The following SCFD2 variants were observed in gnomAD, a reference collection of about 807,000 sequenced individuals.
The protein encoded by SCFD2 is sec1 family domain-containing protein 2.
A neutral mutation model predicts 58.9 loss-of-function variants in SCFD2; 54 were observed. That is an observed-to-expected ratio of 0.92 (90% confidence interval 0.74 to 1.15). The LOEUF (loss-of-function observed/expected upper bound fraction) is 1.15, where lower values mean the gene tolerates loss of function less well. Ranked by LOEUF, SCFD2 falls within the 50% of genes most tolerant of loss-of-function variation. The pLI, the probability that SCFD2 is intolerant of heterozygous loss-of-function variation, is 0.00. For missense variants in SCFD2, 805 were observed against 836.6 expected, an observed-to-expected ratio of 0.96 and a Z score of 0.47; for synonymous variants, 321 against 335.9, an observed-to-expected ratio of 0.96 and a Z score of 0.49.
At chr4:53,276,512 T>G (rs758202002) in intron 3 of SCFD2, among the ~76,000 whole-genome samples, 1 of 152,138 alleles carries the variant, frequency 6.6e-6, no homozygotes, top group Non-Finnish European at 1.5e-5. Context: ...GTTTGTTATA[T>G]AGGTAAACTC....
chr4:53,227,458 T>C (rs1729255332), intron 4 of SCFD2, among the ~76,000 whole-genome samples: 2 of 152,194 alleles, frequency 1.3e-5, no homozygotes. Context: ...CTTGTAAAGA[T>C]GACGCTAAAG....
chr4:53,052,552 C>T (rs912901837), intron 5 of SCFD2, among the ~76,000 whole-genome samples: 1 of 152,088 alleles, frequency 6.6e-6, no homozygotes, highest in African/African-American at 2.4e-5. Context: ...ATTGATCTTC[C>T]CTTGAGATGT....
chr4:53,254,620 T>C (rs1334889131), intron 4 of SCFD2, among the ~76,000 whole-genome samples: 1 of 151,560 alleles, frequency 6.6e-6, no homozygotes, highest in Non-Finnish European at 1.5e-5. Context: ...ATTACAGGCT[T>C]GAGCCACTGC....
intron 5 of SCFD2, among the ~76,000 whole-genome samples, chr4:52,952,317 C>A (rs1294324590): frequency 1.4e-5 from 2 of 146,184 alleles, no homozygotes; most frequent in Non-Finnish European, 3.0e-5. Context: ...AATGGTCCCA[C>A]GTGAGGCCCA....
chr4:52,890,559 G>A (rs570268881), intron 7 of SCFD2, among the ~76,000 whole-genome samples: 26 of 152,320 alleles, frequency 1.7e-4, no homozygotes, highest in African/African-American at 6.0e-4. Context: ...CTGTTTGCAT[G>A]TTTGCATGTT....
chr4:53,168,963 T>C (rs1727094636), intron 4 of SCFD2, among the ~76,000 whole-genome samples: 2 of 152,372 alleles, frequency 1.3e-5, no homozygotes, highest in South Asian at 4.1e-4. Context: ...TCAGTTATTT[T>C]AGATTCCACA....
intron 4 of SCFD2, among the ~76,000 whole-genome samples, chr4:53,232,493 C>A (rs1729470289): frequency 6.6e-6 from 1 of 152,088 alleles, no homozygotes; most frequent in Non-Finnish European, 1.5e-5. Flanking sequence ...AGGAAAGATG[C>A]CTGTTAAAAA....
intron 8 of SCFD2, among the ~76,000 whole-genome samples, chr4:52,883,237 G>A (rs960183087): frequency 6.6e-5 from 10 of 152,186 alleles, no homozygotes; most frequent in African/African-American, 2.4e-4. Flanking sequence ...TTTGCTGTAG[G>A]GCCAGGGCAG....
intron 4 of SCFD2, among the ~76,000 whole-genome samples, chr4:53,234,008 C>T (rs1284465000): frequency 6.6e-6 from 1 of 152,088 alleles, no homozygotes; most frequent in Non-Finnish European, 1.5e-5. Flanking sequence ...CAATTAAATG[C>T]AGAATCTAGG....
chr4:52,945,346 G>A (rs1344309106), intron 5 of SCFD2, among the ~76,000 whole-genome samples: 11 of 152,076 alleles, frequency 7.2e-5, no homozygotes, highest in African/African-American at 2.7e-4. Flanking sequence ...GAGAACTAAA[G>A]GCACAGCCCA....
chr4:53,249,520 G>T (rs532354831), intron 4 of SCFD2, among the ~76,000 whole-genome samples: 42 of 152,148 alleles, frequency 2.8e-4, no homozygotes, highest in Admixed American at 7.9e-4. Context: ...TCACAAAGTT[G>T]AAATGAAGGA....
chr4:52,892,475 A>G (rs1181411157), intron 7 of SCFD2, among the ~76,000 whole-genome samples: 2 of 152,112 alleles, frequency 1.3e-5, no homozygotes, highest in East Asian at 3.8e-4. Context: ...GCCCTCTGGG[A>G]TCTAGTGTCT....
intron 2 of SCFD2, among the ~76,000 whole-genome samples, chr4:53,320,610 CCT>C (rs1277167657): frequency 3.9e-5 from 6 of 152,018 alleles, no homozygotes; most frequent in Non-Finnish European, 7.4e-5. Context: ...AGAGTAAAAC[CCT>C]GTCTCAAAAA....
At chr4:53,290,343 T>C (rs889347085) in intron 3 of SCFD2, among the ~76,000 whole-genome samples, 15 of 151,838 alleles carry the variant, frequency 9.9e-5, no homozygotes, top group East Asian at 1.9e-4. Context: ...ATCACAAATA[T>C]ATGAAAATTA....
intron 5 of SCFD2, among the ~76,000 whole-genome samples, chr4:52,980,390 G>A (rs957553515): frequency 1.3e-5 from 2 of 152,122 alleles, no homozygotes; most frequent in Non-Finnish European, 2.9e-5. Context: ...TTTTCACTTG[G>A]AGGTGGAATA....
At chr4:52,943,768 G>T (rs1386117630) in intron 5 of SCFD2, among the ~76,000 whole-genome samples, 2 of 152,052 alleles carry the variant, frequency 1.3e-5, no homozygotes, top group Non-Finnish European at 2.9e-5. Context: ...AGCATATTAG[G>T]CTGACATGAG....
At chr4:53,265,681 C>T (rs1159232748) in intron 4 of SCFD2, 2 of 152,100 alleles carry the variant, frequency 1.3e-5, no homozygotes. Context: ...ATAACAATTA[C>T]ATTGTTATAG....
chr4:53,177,799 C>T (rs1727390537), intron 4 of SCFD2, among the ~76,000 whole-genome samples: 1 of 152,216 alleles, frequency 6.6e-6, no homozygotes, highest in African/African-American at 2.4e-5. Context: ...AGGTCACTCC[C>T]ACCCTAATAC....
intron 4 of SCFD2, among the ~76,000 whole-genome samples, chr4:53,250,515 G>T (rs539910611): frequency 2.6e-5 from 4 of 152,154 alleles, no homozygotes; most frequent in Non-Finnish European, 5.9e-5. Flanking sequence ...CTCAGCAAAT[G>T]TAAAAGAACA....
Sources: gnomAD v4.1 joint callset for allele counts (sites outside exome capture counted in the v4.1 genomes callset) on GRCh38, gnomAD v4.1.1 for gene constraint, MANE v1.5 for transcripts, NCBI Gene and HGNC (gene_info 2026-07-23, HGNC 2026-07-21) for gene names.